The following TMTC2 variants were observed in gnomAD, a reference collection of about 807,000 sequenced individuals.
TMTC2 encodes protein O-mannosyl-transferase TMTC2.
Under a neutral mutation model 82.4 loss-of-function variants are expected in TMTC2, and 43 were observed. That is an observed-to-expected ratio of 0.52 (90% CI 0.41 to 0.67). The LOEUF (loss-of-function observed/expected upper bound fraction) is 0.67, where lower values mean the gene tolerates loss of function less well. Among genes scored for constraint, TMTC2 ranks in the 30% least tolerant of loss-of-function variants. TMTC2 has a pLI of 0.00. For synonymous variants in TMTC2, 408 were observed against 381.9 expected (o/e 1.07, Z -0.80); for missense variants, 919 against 1,012.4 (o/e 0.91, Z 1.25).
chr12:82,774,644 T>C (rs1411280025), intron 1 of TMTC2, among the ~76,000 whole-genome samples: 1 of 150,774 alleles, frequency 6.6e-6, no homozygotes, highest in East Asian at 1.9e-4. Flanking sequence ...TTTTTTTTTT[T>C]TTTTTTGTCT....
chr12:83,100,041 T>A (rs767390720), intron 11 of TMTC2, among the ~76,000 whole-genome samples: 69 of 152,104 alleles, frequency 4.5e-4, no homozygotes, highest in Non-Finnish European at 5.0e-4. Flanking sequence ...TGTCTCAGCC[T>A]CCCGAGTAGC....
At chr12:82,998,604 CT>C (rs1879768298) in intron 8 of TMTC2, among the ~76,000 whole-genome samples, 1 of 152,142 alleles carries the variant, frequency 6.6e-6, no homozygotes, top group Non-Finnish European at 1.5e-5. Context: ...TATTTAAAAT[CT>C]TTTCCTCACA....
intron 2 of TMTC2, among the ~76,000 whole-genome samples, chr12:82,885,000 C>A (rs1873017353): frequency 6.6e-6 from 1 of 152,086 alleles, no homozygotes; most frequent in South Asian, 2.1e-4. Flanking sequence ...CTCACGCAAT[C>A]CTCCTTCCTC....
At chr12:82,958,153 AGTT>A (rs1176386281) in intron 4 of TMTC2, among the ~76,000 whole-genome samples, 2 of 152,050 alleles carry the variant, frequency 1.3e-5, no homozygotes, top group African/African-American at 4.8e-5. Flanking sequence ...ACTTGCCCTC[AGTT>A]GTTCAAGACA....
At chr12:82,790,750 C>T (rs1878430590) in intron 1 of TMTC2, among the ~76,000 whole-genome samples, 2 of 151,288 alleles carry the variant, frequency 1.3e-5, no homozygotes, top group Admixed American at 1.3e-4. Flanking sequence ...TCACTTGAAC[C>T]CGGGAGGCGG....
At chr12:82,735,250 A>G (rs959320258) in intron 1 of TMTC2, among the ~76,000 whole-genome samples, 8 of 152,226 alleles carry the variant, frequency 5.3e-5, no homozygotes, top group African/African-American at 1.9e-4. Flanking sequence ...ATACAGAATC[A>G]GTAACCACTT....
At chr12:83,069,550 T>G (rs1270751795) in intron 11 of TMTC2, among the ~76,000 whole-genome samples, 1 of 152,164 alleles carries the variant, frequency 6.6e-6, no homozygotes, top group Non-Finnish European at 1.5e-5. Flanking sequence ...GATTGTTTGA[T>G]TTTTTCTTAC....
intron 1 of TMTC2, among the ~76,000 whole-genome samples, chr12:82,713,605 C>T (rs567943767): frequency 3.3e-5 from 5 of 152,138 alleles, no homozygotes; most frequent in Admixed American, 6.5e-5. Flanking sequence ...CATCAGATCT[C>T]GTGAGACTTA....
At chr12:82,784,819 C>G (rs1023370215) in intron 1 of TMTC2, among the ~76,000 whole-genome samples, 1 of 152,048 alleles carries the variant, frequency 6.6e-6, no homozygotes, top group Non-Finnish European at 1.5e-5. Context: ...AGAACACTGG[C>G]TTTATTACAG....
At chr12:82,899,621 AATAT>A (rs965241226) in intron 3 of TMTC2, among the ~76,000 whole-genome samples, 38 of 130,144 alleles carry the variant, frequency 2.9e-4, no homozygotes, top group African/African-American at 1.3e-3. Flanking sequence ...TATATATAAG[AATAT>A]ATATATGTGG....
At chr12:82,804,880 G>T (rs946837773) in intron 1 of TMTC2, among the ~76,000 whole-genome samples, 2 of 152,248 alleles carry the variant, frequency 1.3e-5, no homozygotes, top group Admixed American at 1.3e-4. Flanking sequence ...GATTGCTCCT[G>T]TTAGAAATGC....
intron 4 of TMTC2, among the ~76,000 whole-genome samples, chr12:82,959,710 G>A (rs1048018499): frequency 6.6e-6 from 1 of 151,898 alleles, no homozygotes; most frequent in South Asian, 2.1e-4. Flanking sequence ...AGTCCTCAAA[G>A]TGTTAAGAAT....
chr12:82,986,608 G>A (rs1429401509), intron 8 of TMTC2: 1 of 152,388 alleles, frequency 6.6e-6, no homozygotes, highest in Non-Finnish European at 1.5e-5. Context: ...CTTATAAATA[G>A]CCAACATTGT....
At chr12:82,706,058 C>A (rs1240899638) in intron 1 of TMTC2, among the ~76,000 whole-genome samples, 1 of 152,078 alleles carries the variant, frequency 6.6e-6, no homozygotes, top group Non-Finnish European at 1.5e-5. Context: ...CCTGTATTCC[C>A]AGCACCCTGG....
intron 8 of TMTC2, among the ~76,000 whole-genome samples, chr12:82,996,627 T>C (rs1288439551): frequency 6.6e-6 from 1 of 152,208 alleles, no homozygotes; most frequent in South Asian, 2.1e-4. Context: ...TAGGACTCTT[T>C]TGTCAGTTTG....
chr12:82,809,816 C>A (rs1879405647), intron 1 of TMTC2, among the ~76,000 whole-genome samples: 4 of 152,010 alleles, frequency 2.6e-5, no homozygotes, highest in Non-Finnish European at 5.9e-5. Context: ...TTATTTCTTA[C>A]CATTTTCCCT....
intron 1 of TMTC2, among the ~76,000 whole-genome samples, chr12:82,716,724 G>A (rs1333756160): frequency 6.6e-6 from 1 of 152,070 alleles, no homozygotes; most frequent in Non-Finnish European, 1.5e-5. Context: ...TCAGGTGCCC[G>A]GATTTATCAC....
At chr12:82,754,259 CTGAGT>C (rs1222995207) in intron 1 of TMTC2, among the ~76,000 whole-genome samples, 1 of 151,972 alleles carries the variant, frequency 6.6e-6, no homozygotes, top group African/African-American at 2.4e-5. Context: ...GTTTAATTCA[CTGAGT>C]TAAGAAAACT....
At chr12:82,781,514 A>ATCT (rs1402037065) in intron 1 of TMTC2, among the ~76,000 whole-genome samples, 14 of 149,888 alleles carry the variant, frequency 9.3e-5, no homozygotes, top group Admixed American at 6.1e-4. Context: ...ACCGCTGTCC[A>ATCT]TCTTAACACA....
Sources: gnomAD v4.1 joint callset for allele counts (sites outside exome capture counted in the v4.1 genomes callset) on GRCh38, gnomAD v4.1.1 for gene constraint, MANE v1.5 for transcripts, NCBI Gene and HGNC (gene_info 2026-07-23, HGNC 2026-07-21) for gene names.